Variants in SOX5 observed in about 807,000 individuals in gnomAD.
The protein encoded by SOX5 is transcription factor SOX-5.
Under a neutral mutation model 92.0 loss-of-function variants are expected in SOX5, and 9 were observed. The ratio of observed to expected loss-of-function variants is 0.10; its 90% confidence interval spans 0.06 to 0.17. SOX5 has a LOEUF of 0.17. Ranked by LOEUF, SOX5 falls within the 10% of genes least tolerant of loss-of-function variation. SOX5 has a pLI of 1.00. For missense variants in SOX5, 642 were observed against 944.5 expected (o/e 0.68, Z 4.20); for synonymous variants, 344 against 336.3 (o/e 1.02, Z -0.25).
chr12:24,318,697 T>G (rs1276427904), intron 2 of SOX5, among the ~76,000 whole-genome samples: 1 of 152,190 alleles, frequency 6.6e-6, no homozygotes, highest in Admixed American at 6.5e-5. Flanking sequence ...TATGAACTTG[T>G]GGTGAAGATC....
intron 4 of SOX5, among the ~76,000 whole-genome samples, chr12:23,977,789 C>T (rs5028678): frequency 0.36 from 54,316 of 151,560 alleles, 10,377 homozygotes; most frequent in East Asian, 0.56. Flanking sequence ...AAATGCCTTC[C>T]TTGTTCCTCT....
In SOX5 at chr12:23,536,776, C is replaced by T. The variant is rs1253627988; in HGVS notation, c.1772-107G>A. On this transcript the variant is annotated intron_variant, in intron 13 of 14. Transcript: ENST00000451604. ...CTAAAGTTGAGATGTTAGCCAAAAC[C>T]CAGAAATACATAAACCTGTTTTTGA... 7 of 830,542 alleles carry T rather than the reference C, an allele frequency of 8.4e-6. No homozygotes were observed. In the Admixed American group the frequency reaches 9.9e-5, roughly 12 times the overall value. 51.4% of individuals were successfully genotyped at this position (830,542 alleles called of 1,614,324 possible).
intron 2 of SOX5, among the ~76,000 whole-genome samples, chr12:24,335,867 C>G (rs1248678656): frequency 6.7e-6 from 1 of 150,242 alleles, no homozygotes; most frequent in Non-Finnish European, 1.5e-5. Context: ...TTACAACTGT[C>G]TGCTGTTATT....
rs1164844032 is a variant in SOX5 at position 24,068,704 on chromosome 12, GTATATATATATATATA to G, written c.-2+144623_-2+144638del. ...TATGTGTGTGTGTGTGTGTGTGTGT[GTATATATATATATATA>G]TATATATATATATATATATATATAT... On this transcript the variant is annotated intron_variant, in intron 4 of 4. Transcript: ENST00000446891. Among the ~76,000 whole-genome samples the G allele has an allele frequency of 2.4e-3, 175 of 74,324 alleles. 2 individuals carry two copies. The highest frequency in any genetic ancestry group is 5.8e-3 in the Admixed American group (35 of 6,004). 48.8% of individuals were successfully genotyped at this position (74,324 alleles called of 152,430 possible).
At chr12:24,496,129 G>A (rs1230224871) in intron 1 of SOX5, among the ~76,000 whole-genome samples, 1 of 152,126 alleles carries the variant, frequency 6.6e-6, no homozygotes. Flanking sequence ...CCAAAAAGTG[G>A]GGGTTGAAGG....
chr12:24,326,561 G>A (rs1031238785), intron 2 of SOX5, among the ~76,000 whole-genome samples: 13 of 152,118 alleles, frequency 8.5e-5, no homozygotes, highest in African/African-American at 1.2e-4. Context: ...GTTATGAAGC[G>A]GTGCTGTGCT....
At chr12:23,579,527 A>G (rs1565997023) in intron 9 of SOX5, among the ~76,000 whole-genome samples, 1 of 152,146 alleles carries the variant, frequency 6.6e-6, no homozygotes, top group Non-Finnish European at 1.5e-5. Context: ...GAATACAAAA[A>G]TTACACTAGT....
chr12:24,529,959 G>A (rs961327493), intron 1 of SOX5, among the ~76,000 whole-genome samples: 12 of 143,594 alleles, frequency 8.4e-5, no homozygotes, highest in African/African-American at 2.9e-4. Flanking sequence ...GGCAGAGCTT[G>A]CAGTGAGCTG....
intron 1 of SOX5, among the ~76,000 whole-genome samples, chr12:23,916,822 G>T (rs928876177): frequency 8.6e-5 from 13 of 151,996 alleles, no homozygotes; most frequent in African/African-American, 2.9e-4. Context: ...TAAAGTCTAG[G>T]TTTTAAATAT....
chr12:23,577,124 A>G (rs1248843390), intron 9 of SOX5, among the ~76,000 whole-genome samples: 1 of 147,856 alleles, frequency 6.8e-6, no homozygotes. Context: ...AAAATATGAC[A>G]TCGATATCAA....
intron 4 of SOX5, among the ~76,000 whole-genome samples, chr12:24,148,501 AAAAG>A (rs1308257723): frequency 2.2e-4 from 31 of 141,610 alleles, no homozygotes; most frequent in South Asian, 9.2e-4. Flanking sequence ...AAAAAAAAAA[AAAAG>A]AGAGAGAGAG....
intron 2 of SOX5, among the ~76,000 whole-genome samples, chr12:24,305,426 G>A (rs1228913722): frequency 3.9e-5 from 6 of 152,170 alleles, no homozygotes; most frequent in East Asian, 1.9e-4. Context: ...AAATATCAGG[G>A]TCTTGATGAA....
chr12:24,367,586 A>G (rs1243392786), intron 2 of SOX5, among the ~76,000 whole-genome samples: 1 of 152,160 alleles, frequency 6.6e-6, no homozygotes, highest in Non-Finnish European at 1.5e-5. Flanking sequence ...AAATTGCCAC[A>G]ACATTTATCT....
At chr12:23,603,445 A>AATATATATATATATATATATAAAATATAT (rs2074795725) in intron 9 of SOX5, among the ~76,000 whole-genome samples, 2 of 124,854 alleles carry the variant, frequency 1.6e-5, no homozygotes, top group Non-Finnish European at 3.6e-5. Context: ...ATATATATAA[A>AATATATATATATATATATATAAAATATAT]ATATATATAT....
chr12:23,887,058 T>C (rs558851335), intron 2 of SOX5, among the ~76,000 whole-genome samples: 110 of 152,216 alleles, frequency 7.2e-4, no homozygotes, highest in Non-Finnish European at 1.3e-3. Context: ...ATATACTATA[T>C]AGTTTTGTGA....
chr12:23,616,398 T>A (rs1272489177), intron 8 of SOX5, among the ~76,000 whole-genome samples: 3 of 152,160 alleles, frequency 2.0e-5, no homozygotes, highest in South Asian at 4.1e-4. Context: ...GGGGGAAAAG[T>A]GATTGGGGAA....
chr12:24,280,878 G>C (rs1945089511), intron 2 of SOX5, among the ~76,000 whole-genome samples: 1 of 150,580 alleles, frequency 6.6e-6, no homozygotes, highest in African/African-American at 2.4e-5. Context: ...AAAATTTTGA[G>C]AATATCTTCT....
chr12:23,709,102 A>T (rs2091774587), intron 6 of SOX5, among the ~76,000 whole-genome samples: 1 of 151,996 alleles, frequency 6.6e-6, no homozygotes, highest in Non-Finnish European at 1.5e-5. Context: ...TTATTTTTAA[A>T]TTTTATTTAT....
chr12:23,854,325 G>A (rs555415375), intron 2 of SOX5, among the ~76,000 whole-genome samples: 1 of 151,406 alleles, frequency 6.6e-6, no homozygotes, highest in Admixed American at 6.6e-5. Context: ...CTCCCATGCA[G>A]TAAAATATAA....
Sources: gnomAD v4.1 joint callset for allele counts (sites outside exome capture counted in the v4.1 genomes callset) on GRCh38, gnomAD v4.1.1 for gene constraint, MANE v1.5 for transcripts, NCBI Gene and HGNC (gene_info 2026-07-23, HGNC 2026-07-21) for gene names.